FAM98B: variants seen among roughly 807,000 people sequenced by gnomAD.
The protein encoded by FAM98B is tRNA-splicing ligase complex subunit FAM98B.
In FAM98B, 32 loss-of-function variants were observed where a neutral mutation model predicts 43.9. The ratio of observed to expected loss-of-function variants is 0.73; its 90% CI spans 0.55 to 0.98. The LOEUF is 0.98. FAM98B is among the 50% of genes least tolerant of loss of function. FAM98B has a pLI of 0.00. For synonymous variants in FAM98B, 190 were observed against 174.0 expected, an observed-to-expected ratio of 1.09 and a Z score of -0.72; for missense variants, 514 against 522.9, an observed-to-expected ratio of 0.98 and a Z score of 0.17.
intron 1 of FAM98B, among the ~76,000 whole-genome samples, chr15:38,455,406 C>CT (rs914323324): frequency 1.9e-4 from 29 of 152,286 alleles, no homozygotes; most frequent in Admixed American, 1.7e-3. Flanking sequence ...CCACACCCCA[C>CT]TTTATCTTCT....
At chr15:38,483,543 G>A (rs74851440) in intron 7 of FAM98B, 23,986 of 151,040 alleles carry the variant, frequency 0.16, 2,130 homozygotes, top group East Asian at 0.42. Context: ...GCGGGTGCCT[G>A]TAGTCCCAAC....
intron 1 of FAM98B, among the ~76,000 whole-genome samples, chr15:38,461,341 G>A (rs1461128314): frequency 6.6e-6 from 1 of 152,124 alleles, no homozygotes; most frequent in Non-Finnish European, 1.5e-5. Context: ...TCTAGTCTCA[G>A]CTCTGCCTTT....
At chr15:38,469,050 C>T (rs528322388) in intron 3 of FAM98B, among the ~76,000 whole-genome samples, 5 of 152,086 alleles carry the variant, frequency 3.3e-5, no homozygotes, top group Non-Finnish European at 5.9e-5. Context: ...GGACTACAGG[C>T]GCATGCTGCC....
chr15:38,464,708 G>A (rs1041570971), intron 2 of FAM98B, among the ~76,000 whole-genome samples: 1 of 152,044 alleles, frequency 6.6e-6, no homozygotes, highest in Non-Finnish European at 1.5e-5. Flanking sequence ...GATATTAATA[G>A]TATAATAAAA....
chr15:38,474,320 T>C, intron 6 of FAM98B, 22 bp downstream of exon 6: 1 of 1,539,028 alleles, frequency 6.5e-7, no homozygotes, highest in Non-Finnish European at 9.0e-7. Flanking sequence ...TTCCCATATG[T>C]GTCCTGTAGG....
chr15:38,459,975 A>C (rs1425107453), intron 1 of FAM98B, among the ~76,000 whole-genome samples: 1 of 152,206 alleles, frequency 6.6e-6, no homozygotes, highest in African/African-American at 2.4e-5. Context: ...AAATGATGGG[A>C]AAAGAAAGGG....
In FAM98B at chr15:38,455,000, T is replaced by C. The variant is rs892189995; in HGVS notation, c.71+768T>C. Among the ~76,000 whole-genome samples, 16 of 152,256 alleles carry C rather than the reference T, an allele frequency of 1.1e-4. No homozygotes were observed. In the East Asian group the frequency reaches 1.5e-3, roughly 15 times the overall value. ...CCCCCTCAACCTCATCCTGTTTTTT[T>C]CCACACAGCTCTTGTCCCCATCCCA... On this transcript the variant is annotated intron_variant, in intron 1 of 7. Transcript: ENST00000397609.
At chr15:38,461,150 T>TA (rs1289538331) in intron 1 of FAM98B, among the ~76,000 whole-genome samples, 32 of 152,164 alleles carry the variant, frequency 2.1e-4, no homozygotes, top group African/African-American at 7.5e-4. Flanking sequence ...TAAAAAAACT[T>TA]ACATCAATAT....
At chr15:38,471,947 G>A (rs930917035) in intron 4 of FAM98B, among the ~76,000 whole-genome samples, 2 of 152,050 alleles carry the variant, frequency 1.3e-5, no homozygotes, top group Non-Finnish European at 2.9e-5. Context: ...CTCAGTTCTC[G>A]CATCACCCGT....
chr15:38,473,404 A>G, intron 4 of FAM98B, 101 bp from the exon 5 acceptor site: 3 of 737,266 alleles, frequency 4.1e-6, no homozygotes, highest in Non-Finnish European at 4.3e-6. Flanking sequence ...TGTCACTTTA[A>G]TATTTTATTC....
intron 7 of FAM98B, chr15:38,481,712 AATT>A (rs1890290734): frequency 8.9e-7 from 1 of 1,120,254 alleles, no homozygotes; most frequent in Admixed American, 2.9e-5. Context: ...CTTTAGCAAG[AATT>A]ATGTTCCATC....
chr15:38,483,684 A>ATAT (rs1490478425), intron 7 of FAM98B: 3 of 87,214 alleles, frequency 3.4e-5, no homozygotes, highest in Admixed American at 1.5e-4. Flanking sequence ...AAAAAAAAAA[A>ATAT]ATATATATAT....
At position 38,476,701 on chromosome 15, in the gene FAM98B, TG is replaced by T. The variant is rs1890205533; in HGVS notation, c.729+2404del. 3.5e-5 allele frequency among the ~76,000 whole-genome samples: 5 copies of T among 141,210 alleles called. No individual in the cohort carries two copies. The South Asian group carries it at 1.2e-3, about 33-fold the overall frequency. 92.6% of individuals were successfully genotyped at this position (141,210 alleles called of 152,430 possible). A position where few individuals can be genotyped will look rare whatever the true frequency, so the allele number is the denominator to read the frequency against. ...TCATCTTGATTAAAGATAGAAACTT[TG>T]CTTTTTTTTTTTTTTGCTTTCAATT... On this transcript the variant is annotated intron_variant, in intron 6 of 7. Coordinates refer to ENST00000397609, the MANE Select transcript of FAM98B (RefSeq NM_173611.4).
Position 38,486,205 on chromosome 15 carries a change from G to T in FAM98B, c.*1546G>T, listed in dbSNP as rs1890369025. The T allele has an allele frequency of 6.6e-6, 1 of 151,724 alleles. No individual in the cohort carries two copies. The highest frequency in any genetic ancestry group is 2.1e-4 in the South Asian group (1 of 4,822). The allele number at this position is 151,724 out of a possible 1,614,324, so 9.4% of individuals were successfully genotyped here. A position where few individuals can be genotyped will look rare whatever the true frequency, so the allele number is the denominator to read the frequency against. On this transcript the variant is annotated 3_prime_UTR_variant, in exon 8 of 8. Transcript: ENST00000397609. Reference sequence around the variant, plus strand: ...AGGTAGGAAAATATAAAATTTTTTGGTTATTTGTAAATTTATTTTTTGTGT... The same window carrying T: ...AGGTAGGAAAATATAAAATTTTTTGTTTATTTGTAAATTTATTTTTTGTGT...
intron 4 of FAM98B, among the ~76,000 whole-genome samples, chr15:38,472,022 A>G (rs1040503652): frequency 1.3e-5 from 2 of 152,178 alleles, no homozygotes; most frequent in African/African-American, 2.4e-5. Flanking sequence ...AAACTGAGGT[A>G]CTGAAAGATC....
intron 7 of FAM98B, among the ~76,000 whole-genome samples, chr15:38,484,031 C>T (rs2141063679): frequency 6.6e-6 from 1 of 151,984 alleles, no homozygotes; most frequent in Admixed American, 6.5e-5. Context: ...TGGTATAGAA[C>T]ACTAGAATTT....
intron 1 of FAM98B, among the ~76,000 whole-genome samples, chr15:38,463,491 AAAAAT>A (rs10682998): frequency 0.24 from 33,719 of 140,590 alleles, 4,211 homozygotes; most frequent in East Asian, 0.48. Flanking sequence ...ACCCTGCCTC[AAAAAT>A]AAAATAAAAT....
chr15:38,464,434 C>G (rs1171113000), intron 2 of FAM98B, among the ~76,000 whole-genome samples: 1 of 152,032 alleles, frequency 6.6e-6, no homozygotes, highest in Non-Finnish European at 1.5e-5. Context: ...TATCTGCTGT[C>G]TAAACCTTAG....
intron 1 of FAM98B, chr15:38,459,156 T>C: frequency 2.9e-6 from 1 of 350,324 alleles, no homozygotes; most frequent in Non-Finnish European, 5.6e-6. Context: ...TTGAGTGGTC[T>C]CCTCAATCTC....
Sources: allele counts gnomAD v4.1 joint callset (sites outside exome capture counted in the v4.1 genomes callset), GRCh38; gene constraint gnomAD v4.1.1; transcripts MANE v1.5; gene names NCBI Gene and HGNC (gene_info 2026-07-23, HGNC 2026-07-21).